UBL3: variants seen among roughly 807,000 people sequenced by gnomAD.
UBL3 encodes the protein ubiquitin like 3, also known as ubiquitin-like protein 3.
A neutral mutation model predicts 18.4 loss-of-function variants in UBL3; 6 were observed. The ratio of observed to expected loss-of-function variants is 0.33; its 90% CI spans 0.18 to 0.64. UBL3 has a LOEUF of 0.64. Ranked by LOEUF, UBL3 falls within the 30% of genes least tolerant of loss-of-function variation. The probability of loss-of-function intolerance (pLI) is 0.76; values close to 1 mark genes in which losing one functional copy is unlikely to be tolerated. For synonymous variants in UBL3, 49 were observed against 46.6 expected, an observed-to-expected ratio of 1.05 and a Z score of -0.21; for missense variants, 109 against 142.9, an observed-to-expected ratio of 0.76 and a Z score of 1.21.
chr13:29,794,938 T>A lies in UBL3; in HGVS notation c.28-17675A>T, dbSNP rs145728203. On this transcript the variant is annotated intron_variant, in intron 1 of 4. Transcript: ENST00000380680. Reference sequence around the variant, plus strand: ...TACAGGGAAGAATTAAATGCATGCATAAAGACTATAAAATAACAAAGGCAG... The same window carrying A: ...TACAGGGAAGAATTAAATGCATGCAAAAAGACTATAAAATAACAAAGGCAG... Among the ~76,000 whole-genome samples, 290 of 152,320 alleles carry A rather than the reference T, an allele frequency of 1.9e-3. 2 individuals carry two copies. The highest frequency in any genetic ancestry group is 6.8e-3 in the African/African-American group (283 of 41,570).
chr13:29,814,423 A>T (rs1180941978), intron 1 of UBL3, among the ~76,000 whole-genome samples: 1 of 151,934 alleles, frequency 6.6e-6, no homozygotes, highest in African/African-American at 2.4e-5. Context: ...ATCATAAATA[A>T]TCATTTAATA....
intron 1 of UBL3, among the ~76,000 whole-genome samples, chr13:29,789,658 G>A (rs1172414730): frequency 6.6e-6 from 1 of 152,212 alleles, no homozygotes. Context: ...AGGCAATGGG[G>A]CTAACACAAC....
chr13:29,831,683 G>T (rs1283448898), intron 1 of UBL3, among the ~76,000 whole-genome samples: 4 of 150,658 alleles, frequency 2.7e-5, no homozygotes, highest in Non-Finnish European at 4.4e-5. Context: ...TAAAAGAAAG[G>T]CTGATGACAG....
chr13:29,810,704 G>C (rs910199205), intron 1 of UBL3, among the ~76,000 whole-genome samples: 1 of 152,022 alleles, frequency 6.6e-6, no homozygotes. Context: ...AGTTTTCTAC[G>C]TGTGAATTAG....
At position 29,781,996 on chromosome 13, in the gene UBL3, C is replaced by A. The variant is rs563313270; in HGVS notation, c.28-4733G>T. 3.3e-5 allele frequency among the ~76,000 whole-genome samples: 5 copies of A among 151,228 alleles called. No individual in the cohort carries two copies. The South Asian group carries it at 8.4e-4, about 25-fold the overall frequency. On this transcript the variant is annotated intron_variant, in intron 1 of 4. Coordinates refer to ENST00000380680, the MANE Select transcript of UBL3 (RefSeq NM_007106.4). ...CCAGCCTGGGTGACAGAATGAGACC[C>A]CATCTCTAAAAAAAAAAATAAAATA...
chr13:29,803,071 T>C (rs1211721877), intron 1 of UBL3, among the ~76,000 whole-genome samples: 1 of 152,202 alleles, frequency 6.6e-6, no homozygotes, highest in Non-Finnish European at 1.5e-5. Flanking sequence ...GCAGGTCACT[T>C]ATACAAATCA....
In UBL3 at chr13:29,842,134, C is replaced by CTTTTTTTT. The variant is rs201006689; in HGVS notation, c.27+7370_27+7377dup. Among the ~76,000 whole-genome samples the CTTTTTTTT allele has an allele frequency of 3.5e-4, 45 of 128,056 alleles. 3 individuals carry two copies. The highest frequency in any genetic ancestry group is 1.1e-3 in the African/African-American group (32 of 29,646). The allele number at this position is 128,056 out of a possible 152,430, so 84.0% of individuals were successfully genotyped here. A position where few individuals can be genotyped will look rare whatever the true frequency, so the allele number is the denominator to read the frequency against. On this transcript the variant is annotated intron_variant, in intron 1 of 4. Transcript: ENST00000380680. ...ACTGAAAACTCCTCCCATTCTCTTT[C>CTTTTTTTT]TTTTTTTTTTTTTTTTTTTTTTTTA...
chr13:29,835,184 A>C (rs12560878), intron 1 of UBL3, among the ~76,000 whole-genome samples: 3,557 of 89,394 alleles, frequency 0.04, 329 homozygotes, highest in East Asian at 0.32. Flanking sequence ...ATATATATAT[A>C]TCTCCACCCT....
intron 1 of UBL3, among the ~76,000 whole-genome samples, chr13:29,782,559 A>AC (rs1877204282): frequency 6.6e-6 from 1 of 152,162 alleles, no homozygotes; most frequent in South Asian, 2.1e-4. Flanking sequence ...CACAGACCCT[A>AC]CTACTCCCTC....
intron 1 of UBL3, among the ~76,000 whole-genome samples, chr13:29,831,355 C>G (rs536845227): frequency 6.6e-6 from 1 of 151,902 alleles, no homozygotes; most frequent in African/African-American, 2.4e-5. Context: ...TTTGGGAGGC[C>G]GAGGTGGGTG....
intron 2 of UBL3, 139 bp from the exon 3 acceptor site, chr13:29,772,337 T>C: frequency 1.9e-6 from 1 of 525,982 alleles, no homozygotes; most frequent in South Asian, 4.0e-5. Context: ...TTAGAAACAG[T>C]CACTATTCAT....
intron 1 of UBL3, among the ~76,000 whole-genome samples, chr13:29,808,149 T>C (rs1333462665): frequency 6.6e-6 from 1 of 152,126 alleles, no homozygotes; most frequent in Non-Finnish European, 1.5e-5. Flanking sequence ...TTCTAGACCA[T>C]TAAAAATCAC....
At chr13:29,804,443 A>C (rs1246194555) in intron 1 of UBL3, among the ~76,000 whole-genome samples, 1 of 152,176 alleles carries the variant, frequency 6.6e-6, no homozygotes, top group Admixed American at 6.5e-5. Context: ...AATTAAGCCC[A>C]AAACTAGCCG....
rs562788563 is a variant in UBL3 at position 29,844,032 on chromosome 13, A to G, written c.27+5480T>C. Among the ~76,000 whole-genome samples the G allele has an allele frequency of 5.9e-5, 9 of 152,360 alleles. No homozygotes were observed. In the South Asian group the frequency reaches 1.4e-3, roughly 25 times the overall value. On this transcript the variant is annotated intron_variant, in intron 1 of 4. Coordinates refer to ENST00000380680, the MANE Select transcript of UBL3 (RefSeq NM_007106.4). ...CAGCAAACCTCTGTTCCCCATCTCA[A>G]TAAGAAGTATCATAGATTCTTCTTT...
In UBL3 at chr13:29,835,097, TATATATATAA is replaced by T. The variant is rs1878891545; in HGVS notation, c.27+14405_27+14414del. Among the ~76,000 whole-genome samples the T allele has an allele frequency of 1.9e-3, 35 of 18,756 alleles. 1 individual carries two copies. The highest frequency in any genetic ancestry group is 0.014 in the Admixed American group (17 of 1,234). 12.3% of individuals were successfully genotyped at this position (18,756 alleles called of 152,430 possible). A position where few individuals can be genotyped will look rare whatever the true frequency, so the allele number is the denominator to read the frequency against. On this transcript the variant is annotated intron_variant, in intron 1 of 4. Coordinates refer to ENST00000380680, the MANE Select transcript of UBL3 (RefSeq NM_007106.4). ...TAAAATATATAAATATAAATATATA[TATATATATAA>T]ATATATATATATATATAAATATATA...
chr13:29,784,377 T>C (rs1877253017), intron 1 of UBL3, among the ~76,000 whole-genome samples: 1 of 149,588 alleles, frequency 6.7e-6, no homozygotes, highest in Non-Finnish European at 1.5e-5. Context: ...CCACTTCTCC[T>C]CTGAGAATCT....
At chr13:29,830,830 A>G (rs908390434) in intron 1 of UBL3, among the ~76,000 whole-genome samples, 1 of 152,226 alleles carries the variant, frequency 6.6e-6, no homozygotes, top group African/African-American at 2.4e-5. Flanking sequence ...TATGCCTAGC[A>G]TATCAGTATG....
intron 1 of UBL3, among the ~76,000 whole-genome samples, chr13:29,810,929 G>GA (rs1178110399): frequency 2.6e-5 from 4 of 152,062 alleles, no homozygotes; most frequent in Non-Finnish European, 5.9e-5. Flanking sequence ...TTACAATAAA[G>GA]ACCTGGAAAA....
At chr13:29,779,633 T>C (rs1877091580) in intron 1 of UBL3, among the ~76,000 whole-genome samples, 1 of 152,242 alleles carries the variant, frequency 6.6e-6, no homozygotes, top group Non-Finnish European at 1.5e-5. Flanking sequence ...AATGATAGTA[T>C]ATCCTTACCA....
Sources: allele counts gnomAD v4.1 joint callset (sites outside exome capture counted in the v4.1 genomes callset), GRCh38; gene constraint gnomAD v4.1.1; transcripts MANE v1.5; gene names NCBI Gene and HGNC (gene_info 2026-07-23, HGNC 2026-07-21).